The following KDM4C variants were observed in gnomAD, a reference collection of about 807,000 sequenced individuals.
KDM4C encodes lysine demethylase 4C.
KDM4C carries 81 observed loss-of-function variants against 129.3 expected under a neutral mutation model. The ratio of observed to expected loss-of-function variants is 0.63; its 90% CI spans 0.52 to 0.75. The LOEUF is 0.75. KDM4C is among the 30% of genes least tolerant of loss of function. The pLI is 0.00. For missense variants in KDM4C, 1,457 were observed against 1,304.0 expected, an observed-to-expected ratio of 1.12 and a Z score of -1.81; for synonymous variants, 573 against 456.1, an observed-to-expected ratio of 1.26 and a Z score of -3.26.
intron 4 of KDM4C, chr9:6,834,724 C>G (rs1835544505): frequency 9.6e-6 from 9 of 939,518 alleles, no homozygotes; most frequent in East Asian, 2.4e-5. Flanking sequence ...ACCACACCTT[C>G]TAAAGGGAGC....
Position 7,105,523 on chromosome 9 carries a change from C to G in KDM4C, c.2610+1653C>G, listed in dbSNP as rs117604015. On this transcript the variant is annotated intron_variant, in intron 18 of 21. Transcript: ENST00000381309. ...CACGTGAGTAGTGTTTTTCCTGTTT[C>G]GAGGATAAGAAACCTAAGTTCAGAG... 115 of 465,632 alleles carry G rather than the reference C, an allele frequency of 2.5e-4. No individual in the cohort carries two copies. The East Asian group carries it at 6.9e-3, about 28-fold the overall frequency. The allele number at this position is 465,632 out of a possible 1,614,324, so 28.8% of individuals were successfully genotyped here.
intron 3 of KDM4C, among the ~76,000 whole-genome samples, chr9:6,812,136 C>G (rs1425181916): frequency 2.0e-5 from 3 of 151,650 alleles, no homozygotes; most frequent in Admixed American, 2.0e-4. Context: ...ACTCGGGAGG[C>G]TGAGGCAGGA....
chr9:7,075,020 G>A (rs1833732286), intron 17 of KDM4C, among the ~76,000 whole-genome samples: 1 of 152,108 alleles, frequency 6.6e-6, no homozygotes, highest in African/African-American at 2.4e-5. Flanking sequence ...TATATGAAGA[G>A]CAATAAACAG....
At chr9:6,874,731 C>G (rs1028798585) in intron 5 of KDM4C, among the ~76,000 whole-genome samples, 1 of 152,032 alleles carries the variant, frequency 6.6e-6, no homozygotes, top group African/African-American at 2.4e-5. Context: ...CAACATAGCT[C>G]TGGGTAAGAC....
chr9:7,128,805 T>A (rs1489272093), intron 19 of KDM4C, among the ~76,000 whole-genome samples: 1 of 152,154 alleles, frequency 6.6e-6, no homozygotes, highest in Non-Finnish European at 1.5e-5. Context: ...TGTGTGTGTC[T>A]GGCTGTCTTG....
At chr9:7,081,467 A>C (rs1448545788) in intron 17 of KDM4C, among the ~76,000 whole-genome samples, 4 of 152,190 alleles carry the variant, frequency 2.6e-5, no homozygotes, top group Non-Finnish European at 5.9e-5. Context: ...TGTGTGAGGA[A>C]CAGCAGAGGG....
chr9:7,019,790 T>TATATTTTTATATATAAAAA (rs1200204003), intron 15 of KDM4C, among the ~76,000 whole-genome samples: 18 of 72,308 alleles, frequency 2.5e-4, no homozygotes, highest in Non-Finnish European at 3.8e-4. Context: ...ATAAAAATAT[T>TATATTTTTATATATAAAAA]TTAGAAGCAA....
intron 17 of KDM4C, among the ~76,000 whole-genome samples, chr9:7,053,555 C>T (rs529912794): frequency 3.9e-5 from 6 of 152,254 alleles, no homozygotes; most frequent in African/African-American, 7.2e-5. Context: ...GTTCATCATA[C>T]AATTAAATGG....
chr9:6,964,295 C>T (rs1055487334), intron 8 of KDM4C, among the ~76,000 whole-genome samples: 3 of 151,020 alleles, frequency 2.0e-5, no homozygotes, highest in South Asian at 2.1e-4. Flanking sequence ...TGTGTCCAAG[C>T]GTTCTCATTG....
chr9:6,989,152 C>G (rs1215959570), intron 11 of KDM4C, among the ~76,000 whole-genome samples: 1 of 152,178 alleles, frequency 6.6e-6, no homozygotes, highest in Admixed American at 6.5e-5. Flanking sequence ...ACATAGATAG[C>G]TGTCATCGTA....
intron 1 of KDM4C, among the ~76,000 whole-genome samples, chr9:6,768,495 C>G (rs1308789531): frequency 2.6e-5 from 4 of 152,072 alleles, no homozygotes; most frequent in Non-Finnish European, 4.4e-5. Flanking sequence ...ACATTTTTCT[C>G]CATAACTGCA....
chr9:7,032,410 A>G (rs1488617356), intron 15 of KDM4C, among the ~76,000 whole-genome samples: 1 of 152,216 alleles, frequency 6.6e-6, no homozygotes, highest in African/African-American at 2.4e-5. Flanking sequence ...GATGCTGATA[A>G]TTGATGTTAG....
chr9:6,928,851 A>G (rs1332063760), intron 8 of KDM4C, among the ~76,000 whole-genome samples: 2 of 152,148 alleles, frequency 1.3e-5, no homozygotes, highest in Non-Finnish European at 2.9e-5. Flanking sequence ...AGGTTTCCCT[A>G]TGGAAGTAGT....
At chr9:6,955,488 C>A (rs1354661105) in intron 8 of KDM4C, among the ~76,000 whole-genome samples, 1 of 152,114 alleles carries the variant, frequency 6.6e-6, no homozygotes, top group African/African-American at 2.4e-5. Flanking sequence ...AGAAGGATGC[C>A]TTTGATCTGG....
Position 7,175,463 on chromosome 9 carries a change from T to A in KDM4C, c.*734T>A, listed in dbSNP as rs1385835197. 1 of 152,652 alleles carries A rather than the reference T, an allele frequency of 6.6e-6. No homozygotes were observed. The highest frequency in any genetic ancestry group is 6.5e-5 in the Admixed American group (1 of 15,282). 9.5% of individuals were successfully genotyped at this position (152,652 alleles called of 1,614,324 possible). A position where few individuals can be genotyped will look rare whatever the true frequency, so the allele number is the denominator to read the frequency against. On this transcript the variant is annotated 3_prime_UTR_variant, in exon 22 of 22. Transcript: ENST00000381309. Reference sequence around the variant, plus strand: ...GGGCTGTTATTTTTAAACACTTTTTTTCATAATACATATTCCGAGTAGATA... The same window carrying A: ...GGGCTGTTATTTTTAAACACTTTTTATCATAATACATATTCCGAGTAGATA...
At chr9:7,068,043 G>A (rs1343523537) in intron 17 of KDM4C, among the ~76,000 whole-genome samples, 2 of 152,056 alleles carry the variant, frequency 1.3e-5, no homozygotes, top group Non-Finnish European at 2.9e-5. Context: ...TGATCCACCC[G>A]CCTCGGCCTC....
At chr9:6,932,561 C>A (rs543613683) in intron 8 of KDM4C, among the ~76,000 whole-genome samples, 1 of 152,102 alleles carries the variant, frequency 6.6e-6, no homozygotes, top group Non-Finnish European at 1.5e-5. Flanking sequence ...CTATTCAAAC[C>A]TTTTCTAATT....
chr9:6,735,727 C>G (rs928254638), intron 1 of KDM4C, among the ~76,000 whole-genome samples: 3 of 152,140 alleles, frequency 2.0e-5, no homozygotes, highest in African/African-American at 7.2e-5. Flanking sequence ...TCAGGTATGT[C>G]TTTATCAGCA....
intron 5 of KDM4C, among the ~76,000 whole-genome samples, chr9:6,852,601 C>T (rs1384387128): frequency 6.6e-6 from 1 of 152,166 alleles, no homozygotes; most frequent in Admixed American, 6.5e-5. Context: ...GCTGTATCTC[C>T]CCTTCAGTAT....
Sources: allele counts gnomAD v4.1 joint callset (sites outside exome capture counted in the v4.1 genomes callset), GRCh38; gene constraint gnomAD v4.1.1; transcripts MANE v1.5; gene names NCBI Gene and HGNC (gene_info 2026-07-23, HGNC 2026-07-21).